Variants in AMPD3 observed in about 807,000 individuals in gnomAD.
AMPD3 encodes adenosine monophosphate deaminase 3.
AMPD3 carries 57 observed loss-of-function variants against 82.3 expected under a neutral mutation model. The observed-to-expected ratio is 0.69, with a 90% confidence interval of 0.56 to 0.86. The LOEUF is 0.86. Ranked by LOEUF, AMPD3 falls within the 40% of genes least tolerant of loss-of-function variation. AMPD3 has a pLI of 0.00. For synonymous variants in AMPD3, 381 were observed against 394.7 expected (o/e 0.97, Z 0.41); for missense variants, 870 against 1,003.8 (o/e 0.87, Z 1.80).
In AMPD3 at chr11:10,498,077, G is replaced by A. The variant is rs117972350; in HGVS notation, c.1557+1139G>A. 7.5e-3 allele frequency among the ~76,000 whole-genome samples: 1,140 copies of A among 152,298 alleles called. 11 individuals carry two copies. The highest frequency in any genetic ancestry group is 8.4e-3 in the Non-Finnish European group (570 of 68,020). The stretch of plus-strand genomic sequence containing the variant: ...AGAGCTGGAATGCGTTTCCAGGCAG[G>A]CTGACTCCAGCGATGTACCCTGAAC... On this transcript the variant is annotated intron_variant, in intron 10 of 14. Transcript: ENST00000396553.
At chr11:10,502,928 A>G in intron 13 of AMPD3, 34 bp downstream of exon 13, 1 of 1,602,678 alleles carries the variant, frequency 6.2e-7, no homozygotes. Flanking sequence ...GTAGTGCTTC[A>G]GTAGGCACCA....
chr11:10,451,121 C>T, upstream of AMPD3: 2 of 1,534,262 alleles, frequency 1.3e-6, no homozygotes, highest in Middle Eastern at 1.7e-4. Context: ...ATCAGCAGCG[C>T]CCTGGGGTCT....
intron 1 of AMPD3, 59 bp downstream of exon 1, chr11:10,455,507 C>A: frequency 1.1e-6 from 1 of 897,546 alleles, no homozygotes; most frequent in Non-Finnish European, 1.3e-6. Flanking sequence ...TACTCCTTTT[C>A]TGTGTGTGTG....
chr11:10,500,552 C>T (rs1849548589), intron 11 of AMPD3: 1 of 953,954 alleles, frequency 1.0e-6, no homozygotes, highest in Non-Finnish European at 1.2e-6. Context: ...TTTATATGTA[C>T]ACACACCAGG....
chr11:10,496,397 C>T (rs1849401169), intron 9 of AMPD3: 1 of 985,452 alleles, frequency 1.0e-6, no homozygotes, highest in Non-Finnish European at 1.2e-6. Context: ...CAGACGGCTG[C>T]TGTCCTCTCC....
intron 14 of AMPD3, 89 bp from the exon 15 acceptor site, chr11:10,505,619 T>C: frequency 6.4e-7 from 1 of 1,564,736 alleles, no homozygotes; most frequent in East Asian, 2.4e-5. Flanking sequence ...CTAGTCTGAC[T>C]TGCTGTGACT....
chr11:10,486,630 G>C (rs1003249936), intron 5 of AMPD3: 2 of 985,254 alleles, frequency 2.0e-6, no homozygotes, highest in African/African-American at 3.5e-5. Flanking sequence ...TCCTCCTCTT[G>C]TCGTGAAGCC....
At chr11:10,451,650 C>G (rs1463461546), upstream of AMPD3, among the ~76,000 whole-genome samples, 1 of 152,156 alleles carries the variant, frequency 6.6e-6, no homozygotes, top group Non-Finnish European at 1.5e-5. Context: ...GGCTTGCTAA[C>G]TAGGGTATCA....
chr11:10,451,768 G>A (rs1847969663), upstream of AMPD3, among the ~76,000 whole-genome samples: 1 of 152,234 alleles, frequency 6.6e-6, no homozygotes, highest in Non-Finnish European at 1.5e-5. Context: ...TTGAGCCCCT[G>A]TTGGCTTTCC....
At chr11:10,471,294 A>G (rs1272822223) in intron 2 of AMPD3, among the ~76,000 whole-genome samples, 1 of 151,944 alleles carries the variant, frequency 6.6e-6, no homozygotes, top group Non-Finnish European at 1.5e-5. Flanking sequence ...CTTACACCTT[A>G]TACAAAAATT....
intron 3 of AMPD3, 119 bp from the exon 4 acceptor site, chr11:10,481,944 C>T: frequency 8.1e-7 from 1 of 1,239,360 alleles, no homozygotes; most frequent in Non-Finnish European, 1.2e-6. Context: ...GGTGAGAACC[C>T]TCCTGAAATC....
At chr11:10,502,353 A>G in intron 12 of AMPD3, 2 of 985,454 alleles carry the variant, frequency 2.0e-6, no homozygotes, top group Non-Finnish European at 2.4e-6. Flanking sequence ...GCAATAAAAC[A>G]GCTAGAGGGG....
intron 2 of AMPD3, among the ~76,000 whole-genome samples, chr11:10,475,547 C>T (rs1848714568): frequency 6.6e-6 from 1 of 152,074 alleles, no homozygotes; most frequent in Non-Finnish European, 1.5e-5. Context: ...CTAAAACGGC[C>T]CCTGCAGATG....
intron 2 of AMPD3, chr11:10,477,915 G>A (rs1214682407): frequency 4.1e-6 from 4 of 985,344 alleles, no homozygotes; most frequent in African/African-American, 1.7e-5. Context: ...ATGCCTGTAA[G>A]CTTGGATGGC....
At chr11:10,473,330 A>G (rs1439646384) in intron 2 of AMPD3, 2 of 915,372 alleles carry the variant, frequency 2.2e-6, no homozygotes, top group Non-Finnish European at 2.6e-6. Flanking sequence ...AAGTTAACAG[A>G]TAGTACAGAT....
chr11:10,450,553 G>C (rs747034490), upstream of AMPD3: 269 of 986,286 alleles, frequency 2.7e-4, no homozygotes, highest in Non-Finnish European at 2.9e-4. Context: ...GTGGAAGCCC[G>C]GCGGGGCCAG....
At chr11:10,459,671 G>A (rs1477211905) in intron 1 of AMPD3, among the ~76,000 whole-genome samples, 1 of 152,152 alleles carries the variant, frequency 6.6e-6, no homozygotes, top group Non-Finnish European at 1.5e-5. Flanking sequence ...TGCTCCCAAC[G>A]AGGGTGGCTT....
chr11:10,455,902 G>A (rs1032998731), intron 1 of AMPD3: 13 of 985,208 alleles, frequency 1.3e-5, no homozygotes, highest in African/African-American at 3.5e-5. Flanking sequence ...CAGGCCTGAA[G>A]CACGTTCAGA....
chr11:10,497,531 C>A, intron 10 of AMPD3: 3 of 972,420 alleles, frequency 3.1e-6, no homozygotes, highest in Non-Finnish European at 3.7e-6. Flanking sequence ...GTGATACAGG[C>A]CAGTGCCTGG....
Sources: allele counts gnomAD v4.1 joint callset (sites outside exome capture counted in the v4.1 genomes callset), GRCh38; gene constraint gnomAD v4.1.1; transcripts MANE v1.5; gene names NCBI Gene and HGNC (gene_info 2026-07-23, HGNC 2026-07-21).